Variants in TMTC2 observed in about 807,000 individuals in gnomAD.
TMTC2 encodes transmembrane O-mannosyltransferase targeting cadherins 2, also known as protein O-mannosyl-transferase TMTC2.
In TMTC2, 43 loss-of-function variants were observed where a neutral mutation model predicts 82.4. That is an observed-to-expected ratio of 0.52 (90% CI 0.41 to 0.67). TMTC2 has a LOEUF of 0.67. Among genes scored for constraint, TMTC2 ranks in the 30% least tolerant of loss-of-function variants. The pLI is 0.00. For synonymous variants in TMTC2, 408 were observed against 381.9 expected (o/e 1.07, Z -0.80); for missense variants, 919 against 1,012.4 (o/e 0.91, Z 1.25).
At chr12:82,741,724 C>T (rs764238080) in intron 1 of TMTC2, among the ~76,000 whole-genome samples, 1 of 152,284 alleles carries the variant, frequency 6.6e-6, no homozygotes, top group African/African-American at 2.4e-5. Flanking sequence ...TGATTTAAAT[C>T]GTAATTTGAT....
At chr12:82,814,849 G>A (rs1402886076) in intron 1 of TMTC2, among the ~76,000 whole-genome samples, 1 of 152,158 alleles carries the variant, frequency 6.6e-6, no homozygotes, top group Non-Finnish European at 1.5e-5. Context: ...AATCCAGATG[G>A]AATTATCTAA....
intron 1 of TMTC2, among the ~76,000 whole-genome samples, chr12:82,728,987 C>T (rs1464087442): frequency 6.6e-6 from 1 of 152,250 alleles, no homozygotes; most frequent in Non-Finnish European, 1.5e-5. Context: ...CTGCAGCACC[C>T]CATGCCTGAG....
chr12:82,964,402 A>G (rs922835014), intron 4 of TMTC2, among the ~76,000 whole-genome samples: 3 of 152,140 alleles, frequency 2.0e-5, no homozygotes, highest in African/African-American at 7.2e-5. Context: ...TTTTCAGAAC[A>G]GTGAACTGAA....
At chr12:83,083,308 T>A (rs1302914770) in intron 11 of TMTC2, among the ~76,000 whole-genome samples, 2 of 152,218 alleles carry the variant, frequency 1.3e-5, no homozygotes, top group Non-Finnish European at 2.9e-5. Context: ...TTAGGGCATT[T>A]ATACTTGCTT....
intron 11 of TMTC2, among the ~76,000 whole-genome samples, chr12:83,107,036 A>G (rs1884429105): frequency 6.6e-6 from 1 of 152,226 alleles, no homozygotes; most frequent in Non-Finnish European, 1.5e-5. Flanking sequence ...TTGTGTGGTT[A>G]ATGTTAGGGC....
intron 9 of TMTC2, among the ~76,000 whole-genome samples, chr12:83,040,028 T>G (rs1881829291): frequency 6.6e-6 from 1 of 152,240 alleles, no homozygotes; most frequent in African/African-American, 2.4e-5. Context: ...TGACTGAAGC[T>G]CAGTGTTTAA....
At chr12:83,050,849 T>G in intron 9 of TMTC2, 55 bp from the exon 10 acceptor site, 1 of 1,256,068 alleles carries the variant, frequency 8.0e-7, no homozygotes, top group Non-Finnish European at 1.1e-6. Context: ...AATAACAGCT[T>G]TATTGTTTCA....
chr12:82,866,855 G>C (rs996564013), intron 2 of TMTC2, among the ~76,000 whole-genome samples: 1 of 152,144 alleles, frequency 6.6e-6, no homozygotes, highest in African/African-American at 2.4e-5. Flanking sequence ...TTCCTTAAAA[G>C]GCATGAATGG....
intron 3 of TMTC2, among the ~76,000 whole-genome samples, chr12:82,914,908 C>A (rs780164633): frequency 5.3e-5 from 8 of 149,824 alleles, no homozygotes; most frequent in Non-Finnish European, 1.2e-4. Flanking sequence ...TCACTGCAAC[C>A]TCTGCCTCCC....
rs562888943 is a variant in TMTC2 at position 83,112,001 on chromosome 12, G to A, written c.2332-20209G>A. 1.3e-4 allele frequency among the ~76,000 whole-genome samples: 19 copies of A among 151,948 alleles called. No homozygotes were observed. In the South Asian group the frequency reaches 3.5e-3, roughly 28 times the overall value. On this transcript the variant is annotated intron_variant, in intron 11 of 11. Coordinates refer to ENST00000321196, the MANE Select transcript of TMTC2 (RefSeq NM_152588.3). ...CATGCCAGTGGTCCCAGCTACTCAG[G>A]ATGCTGAGGGAGGAGGATTGCTTGA...
chr12:82,939,057 TCAA>T (rs1192118960), intron 4 of TMTC2, among the ~76,000 whole-genome samples: 1 of 152,186 alleles, frequency 6.6e-6, no homozygotes, highest in Non-Finnish European at 1.5e-5. Context: ...GGTGTTAAGA[TCAA>T]CAACATTAAT....
rs190730449 is a variant in TMTC2, at chr12:83,105,065, C to A, written c.2332-27145C>A. 1.1e-4 allele frequency among the ~76,000 whole-genome samples: 17 copies of A among 152,228 alleles called. No individual in the cohort carries two copies. The East Asian group carries it at 3.3e-3, about 29-fold the overall frequency. On this transcript the variant is annotated intron_variant, in intron 11 of 11. Coordinates refer to ENST00000321196, the MANE Select transcript of TMTC2 (RefSeq NM_152588.3). Reference sequence around the variant, plus strand: ...GATCTCTAGTACATGGACACAGTACCATCATAACAATGGTGACCTTTGCCC... The same window carrying A: ...GATCTCTAGTACATGGACACAGTACAATCATAACAATGGTGACCTTTGCCC...
chr12:82,716,449 C>T (rs1020376118), intron 1 of TMTC2, among the ~76,000 whole-genome samples: 22 of 151,418 alleles, frequency 1.5e-4, no homozygotes, highest in Admixed American at 3.3e-4. Flanking sequence ...CTGCAAGCTC[C>T]GCCTCCCGGG....
At chr12:83,103,041 AC>A (rs1194542482) in intron 11 of TMTC2, among the ~76,000 whole-genome samples, 1 of 152,230 alleles carries the variant, frequency 6.6e-6, no homozygotes, top group Non-Finnish European at 1.5e-5. Flanking sequence ...GATAAGAAGT[AC>A]CTTTCCAAAG....
At chr12:83,011,896 A>T (rs545695395) in intron 8 of TMTC2, among the ~76,000 whole-genome samples, 1 of 152,278 alleles carries the variant, frequency 6.6e-6, no homozygotes, top group Middle Eastern at 3.4e-3. Flanking sequence ...CATGTTCATT[A>T]TTGTTACTAG....
chr12:82,705,150 G>A (rs147786990), intron 1 of TMTC2, among the ~76,000 whole-genome samples: 1 of 152,270 alleles, frequency 6.6e-6, no homozygotes, highest in East Asian at 1.9e-4. Context: ...AGTATGTAAA[G>A]GCATAAGAAT....
chr12:82,826,159 T>A (rs1869409737), intron 1 of TMTC2, among the ~76,000 whole-genome samples: 1 of 152,232 alleles, frequency 6.6e-6, no homozygotes, highest in African/African-American at 2.4e-5. Context: ...TTTCATCCAG[T>A]GAAATAAATT....
At chr12:83,051,496 A>G (rs1191520467) in intron 10 of TMTC2, among the ~76,000 whole-genome samples, 1 of 152,038 alleles carries the variant, frequency 6.6e-6, no homozygotes, top group Non-Finnish European at 1.5e-5. Context: ...CCCTCTAAAA[A>G]CTACTAGTCA....
chr12:82,782,138 A>G (rs931467216), intron 1 of TMTC2, among the ~76,000 whole-genome samples: 1 of 152,102 alleles, frequency 6.6e-6, no homozygotes, highest in Non-Finnish European at 1.5e-5. Flanking sequence ...CTTCCTAATG[A>G]TGGCTGGATG....
Sources: allele counts gnomAD v4.1 joint callset (sites outside exome capture counted in the v4.1 genomes callset), GRCh38; gene constraint gnomAD v4.1.1; transcripts MANE v1.5; gene names NCBI Gene and HGNC (gene_info 2026-07-23, HGNC 2026-07-21).